PCSK2: variants seen among roughly 807,000 people sequenced by gnomAD.
PCSK2 encodes proprotein convertase subtilisin/kexin type 2, also known as neuroendocrine convertase 2.
A neutral mutation model predicts 69.7 loss-of-function variants in PCSK2; 14 were observed. The observed-to-expected ratio is 0.20, with a 90% CI of 0.13 to 0.31. PCSK2 has a LOEUF of 0.31. PCSK2 is among the 10% of genes least tolerant of loss of function. The pLI, the probability that PCSK2 is intolerant of heterozygous loss-of-function variation, is 1.00. For missense variants in PCSK2, 544 were observed against 842.5 expected (o/e 0.65, Z 4.39); for synonymous variants, 307 against 320.7 (o/e 0.96, Z 0.46).
At chr20:17,371,795 T>A (rs1177212951) in intron 5 of PCSK2, among the ~76,000 whole-genome samples, 1 of 152,136 alleles carries the variant, frequency 6.6e-6, no homozygotes, top group Non-Finnish European at 1.5e-5. Context: ...CATGCTATAA[T>A]TTATTTAAAC....
intron 1 of PCSK2, among the ~76,000 whole-genome samples, chr20:17,241,039 C>G (rs182641759): frequency 3.9e-5 from 6 of 152,238 alleles, no homozygotes; most frequent in Middle Eastern, 3.4e-3. Flanking sequence ...AGGATCAGTT[C>G]GCGCTGATTA....
At chr20:17,269,433 C>A (rs1184661501) in intron 2 of PCSK2, among the ~76,000 whole-genome samples, 2 of 152,168 alleles carry the variant, frequency 1.3e-5, no homozygotes, top group East Asian at 3.8e-4. Flanking sequence ...CCATTGTGTT[C>A]TAGCTCGTCT....
chr20:17,384,277 T>C (rs1399156919), intron 5 of PCSK2, among the ~76,000 whole-genome samples: 3 of 152,062 alleles, frequency 2.0e-5, no homozygotes, highest in African/African-American at 7.2e-5. Context: ...TTTAAGTGAC[T>C]ACATACTATT....
intron 5 of PCSK2, among the ~76,000 whole-genome samples, chr20:17,405,270 C>T (rs2031727855): frequency 6.6e-6 from 1 of 152,216 alleles, no homozygotes; most frequent in South Asian, 2.1e-4. Flanking sequence ...CCTTCCCCTA[C>T]ATCAAGCTGG....
chr20:17,292,061 C>G (rs540929953), intron 2 of PCSK2, among the ~76,000 whole-genome samples: 1 of 152,250 alleles, frequency 6.6e-6, no homozygotes, highest in South Asian at 2.1e-4. Context: ...ACATTGCAGT[C>G]CTCAGTAATA....
rs182140390 is a variant in PCSK2, at chr20:17,478,885, C to T, written c.1431-2699C>T. On this transcript the variant is annotated intron_variant, in intron 11 of 11. Transcript: ENST00000262545. ...TATTTTTTGCTAGCATTAAATTTTT[C>T]GTATTTAAATGATGCTGTATAGAAT... Among the ~76,000 whole-genome samples the T allele has an allele frequency of 2.8e-3, 420 of 152,218 alleles. 1 individual carries two copies. Among genetic ancestry groups the T allele is most frequent in the Non-Finnish European group, 4.7e-3 (318 of 68,004 alleles).
At chr20:17,378,302 AG>A (rs11477676) in intron 5 of PCSK2, among the ~76,000 whole-genome samples, 46,131 of 152,086 alleles carry the variant, frequency 0.3, 8,509 homozygotes, top group South Asian at 0.58. Context: ...TTCATCTAGA[AG>A]CTTCATCAAT....
At chr20:17,239,490 T>C (rs1340721417) in intron 1 of PCSK2, among the ~76,000 whole-genome samples, 1 of 152,086 alleles carries the variant, frequency 6.6e-6, no homozygotes, top group East Asian at 1.9e-4. Flanking sequence ...GAGAGTTGTG[T>C]CTTAAATGAG....
chr20:17,373,024 C>T (rs370187615), intron 5 of PCSK2, among the ~76,000 whole-genome samples: 21 of 152,270 alleles, frequency 1.4e-4, no homozygotes, highest in South Asian at 1.0e-3. Context: ...CTTCACACCT[C>T]GTTAAGTGAC....
At chr20:17,416,529 C>G (rs1371848916) in intron 6 of PCSK2, among the ~76,000 whole-genome samples, 1 of 152,144 alleles carries the variant, frequency 6.6e-6, no homozygotes, top group Non-Finnish European at 1.5e-5. Flanking sequence ...ACAACAAATG[C>G]TGGAGAGGAT....
At chr20:17,334,851 T>C (rs905227853) in intron 2 of PCSK2, among the ~76,000 whole-genome samples, 1 of 152,204 alleles carries the variant, frequency 6.6e-6, no homozygotes, top group African/African-American at 2.4e-5. Context: ...CTGTCAGTCA[T>C]GTTGGGTTTC....
At chr20:17,315,883 C>T (rs1989673828) in intron 2 of PCSK2, among the ~76,000 whole-genome samples, 1 of 152,186 alleles carries the variant, frequency 6.6e-6, no homozygotes, top group African/African-American at 2.4e-5. Context: ...CGCGGACACA[C>T]CCGCCAAGCA....
At chr20:17,354,053 C>A (rs1467554033) in intron 2 of PCSK2, among the ~76,000 whole-genome samples, 2 of 152,138 alleles carry the variant, frequency 1.3e-5, no homozygotes, top group Admixed American at 6.6e-5. Flanking sequence ...GGGTACTATG[C>A]TTACTACCTG....
At chr20:17,436,642 C>T in intron 7 of PCSK2, 66 bp from the exon 8 acceptor site, 1 of 1,427,952 alleles carries the variant, frequency 7.0e-7, no homozygotes. Flanking sequence ...AAGCCCTCCT[C>T]CACCTCCTTG....
intron 2 of PCSK2, among the ~76,000 whole-genome samples, chr20:17,267,011 A>G (rs1328787988): frequency 6.6e-6 from 1 of 152,150 alleles, no homozygotes; most frequent in Non-Finnish European, 1.5e-5. Context: ...ATTTGTCTGT[A>G]AATTCACATT....
chr20:17,348,974 G>A (rs1078199), intron 2 of PCSK2, among the ~76,000 whole-genome samples: 3 of 151,978 alleles, frequency 2.0e-5, no homozygotes, highest in Admixed American at 6.6e-5. Flanking sequence ...CCATAGGACC[G>A]TTAACCAGCC....
At chr20:17,332,102 C>T (rs1052499563) in intron 2 of PCSK2, among the ~76,000 whole-genome samples, 1 of 152,122 alleles carries the variant, frequency 6.6e-6, no homozygotes, top group African/African-American at 2.4e-5. Context: ...TGCATCAGTG[C>T]TATGTCTTCA....
In PCSK2 at chr20:17,271,779, T is replaced by TA. The variant is rs1000607752; in HGVS notation, c.282+11442dup. On this transcript the variant is annotated intron_variant, in intron 2 of 11. Coordinates refer to ENST00000262545, the MANE Select transcript of PCSK2 (RefSeq NM_002594.5). ...CTTTGTAAAGATTCTTTTATCTTTT[T>TA]AAAAAAATTAGTGATTAAATTAAAA... is the stretch of plus-strand genomic sequence containing the variant. Among the ~76,000 whole-genome samples, 8 of 152,128 alleles carry TA rather than the reference T, an allele frequency of 5.3e-5. No homozygotes were observed. The East Asian group carries it at 5.8e-4, about 11-fold the overall frequency.
At chr20:17,370,388 C>G (rs11698597) in intron 5 of PCSK2, among the ~76,000 whole-genome samples, 22,975 of 152,138 alleles carry the variant, frequency 0.15, 1,951 homozygotes, top group Middle Eastern at 0.29. Flanking sequence ...CACTGGGCAA[C>G]AAGAAACAAG....
Sources: allele counts gnomAD v4.1 joint callset (sites outside exome capture counted in the v4.1 genomes callset), GRCh38; gene constraint gnomAD v4.1.1; transcripts MANE v1.5; gene names NCBI Gene and HGNC (gene_info 2026-07-23, HGNC 2026-07-21).